KCTD16: variants seen among roughly 807,000 people sequenced by gnomAD.
The protein encoded by KCTD16 is potassium channel tetramerization domain containing 16.
In KCTD16, 13 loss-of-function variants were observed where a neutral mutation model predicts 33.2. That is an observed-to-expected ratio of 0.39 (90% CI 0.25 to 0.62). The LOEUF (loss-of-function observed/expected upper bound fraction) is 0.62. Ranked by LOEUF, KCTD16 falls within the 20% of genes least tolerant of loss-of-function variation. KCTD16 has a pLI of 0.50. For missense variants in KCTD16, 441 were observed against 525.1 expected (o/e 0.84, Z 1.57); for synonymous variants, 197 against 195.3 (o/e 1.01, Z -0.07).
At chr5:144,322,099 G>A (rs1465592967) in intron 3 of KCTD16, among the ~76,000 whole-genome samples, 1 of 152,100 alleles carries the variant, frequency 6.6e-6, no homozygotes, top group Non-Finnish European at 1.5e-5. Context: ...CGAGGGATAA[G>A]AATAATTCTA....
intron 3 of KCTD16, among the ~76,000 whole-genome samples, chr5:144,299,898 T>TAAAAAAAAAAAAAAAAAAAAAAA (rs66821172): frequency 3.9e-5 from 5 of 128,896 alleles, no homozygotes; most frequent in East Asian, 2.3e-4. Context: ...CAGAATCATT[T>TAAAAAAAAAAAAAAAAAAAAAAA]AAAAAAAAAA....
Position 144,426,549 on chromosome 5 carries a change from C to T in KCTD16, c.833-47111C>T, listed in dbSNP as rs544299258. ...GTGTTTTTTTTAAAAATAGTATTAGCTCCATTTCTCACTACCAATTTTCTG... is the reference window on the plus strand; with the variant it reads ...GTGTTTTTTTTAAAAATAGTATTAGTTCCATTTCTCACTACCAATTTTCTG... On this transcript the variant is annotated intron_variant, in intron 3 of 3. Transcript: ENST00000512467. Among the ~76,000 whole-genome samples the T allele has an allele frequency of 2.5e-4, 38 of 152,178 alleles. No homozygotes were observed. In the South Asian group the frequency reaches 7.9e-3, roughly 32 times the overall value.
At chr5:144,275,967 G>C (rs1029543383) in intron 3 of KCTD16, among the ~76,000 whole-genome samples, 10 of 152,152 alleles carry the variant, frequency 6.6e-5, no homozygotes, top group African/African-American at 2.4e-4. Context: ...CAGGTTACGT[G>C]CCTTTAGGAC....
At chr5:144,340,196 C>T (rs831416) in intron 3 of KCTD16, among the ~76,000 whole-genome samples, 37,849 of 151,556 alleles carry the variant, frequency 0.25, 4,895 homozygotes, top group Non-Finnish European at 0.28. Flanking sequence ...GGGTGGATCA[C>T]GAGGTCAGGA....
chr5:144,441,515 A>T (rs1753707272), intron 3 of KCTD16, among the ~76,000 whole-genome samples: 1 of 152,030 alleles, frequency 6.6e-6, no homozygotes, highest in Non-Finnish European at 1.5e-5. Context: ...ATGAGGTCAG[A>T]CTCCAACTTC....
In KCTD16 at chr5:144,459,615, G is replaced by A. The variant is rs552514877; in HGVS notation, c.833-14045G>A. Among the ~76,000 whole-genome samples the A allele has an allele frequency of 1.7e-4, 26 of 152,106 alleles. 1 individual carries two copies. Among genetic ancestry groups the A allele is most frequent in the Admixed American group, 1.4e-3 (22 of 15,280 alleles). ...TCTGCTCGCCTCAGCCTCCCAAAGT[G>A]CCGGGATTACAGTTGTGAGCCACTG... On this transcript the variant is annotated intron_variant, in intron 3 of 3. Transcript: ENST00000512467.
chr5:144,283,773 A>G (rs1244740008), intron 3 of KCTD16, among the ~76,000 whole-genome samples: 2 of 152,216 alleles, frequency 1.3e-5, no homozygotes, highest in East Asian at 1.9e-4. Flanking sequence ...TAAGACATGA[A>G]CAAATACATT....
intron 3 of KCTD16, among the ~76,000 whole-genome samples, chr5:144,438,645 G>C (rs1267743537): frequency 6.6e-6 from 1 of 152,152 alleles, no homozygotes; most frequent in East Asian, 1.9e-4. Flanking sequence ...AACATAGGCT[G>C]GGTCACTGGC....
chr5:144,194,678 G>A (rs1580779395), intron 2 of KCTD16, among the ~76,000 whole-genome samples: 1 of 152,174 alleles, frequency 6.6e-6, no homozygotes, highest in Non-Finnish European at 1.5e-5. Context: ...CTCTGTATGG[G>A]AAGTACAATT....
intron 3 of KCTD16, among the ~76,000 whole-genome samples, chr5:144,343,982 A>C (rs1752715175): frequency 1.3e-5 from 2 of 152,158 alleles, no homozygotes; most frequent in Admixed American, 1.3e-4. Flanking sequence ...CAGTAACCAA[A>C]ACAGCATGGT....
At chr5:144,174,628 C>A (rs184611892) in intron 2 of KCTD16, among the ~76,000 whole-genome samples, 156 bp downstream of exon 2, 1 of 152,274 alleles carries the variant, frequency 6.6e-6, no homozygotes, top group East Asian at 1.9e-4. Flanking sequence ...AATTCTGCTT[C>A]TTTTGTTTCA....
intron 2 of KCTD16, chr5:144,205,930 C>T (rs1274633000): frequency 5.6e-6 from 1 of 179,090 alleles, no homozygotes; most frequent in Non-Finnish European, 1.2e-5. Context: ...CGGTCGTTTA[C>T]CTGTTTGGGA....
intron 3 of KCTD16, among the ~76,000 whole-genome samples, chr5:144,426,827 T>A (rs1753341554): frequency 6.6e-6 from 1 of 152,148 alleles, no homozygotes; most frequent in Non-Finnish European, 1.5e-5. Flanking sequence ...ACCCCCTTGA[T>A]AATGCCATTA....
intron 3 of KCTD16, among the ~76,000 whole-genome samples, chr5:144,396,120 A>T (rs1752562645): frequency 6.6e-6 from 1 of 152,148 alleles, no homozygotes; most frequent in African/African-American, 2.4e-5. Context: ...ATGGGAAATC[A>T]GACCCATTTT....
At chr5:144,465,900 G>A (rs762764251) in intron 3 of KCTD16, among the ~76,000 whole-genome samples, 17 of 151,384 alleles carry the variant, frequency 1.1e-4, no homozygotes, top group African/African-American at 1.5e-4. Context: ...GTGCAATGGC[G>A]CAATCTCTGG....
At chr5:144,320,064 C>A (rs545322603) in intron 3 of KCTD16, among the ~76,000 whole-genome samples, 1 of 152,080 alleles carries the variant, frequency 6.6e-6, no homozygotes, top group African/African-American at 2.4e-5. Context: ...ACCTATTAGC[C>A]AGGACAGTAG....
chr5:144,444,205 C>A (rs1753771620), intron 3 of KCTD16, among the ~76,000 whole-genome samples: 1 of 147,152 alleles, frequency 6.8e-6, no homozygotes, highest in Non-Finnish European at 1.5e-5. Context: ...CCCAACCCCT[C>A]CCCCCTCCAC....
At chr5:144,405,232 A>G (rs1752785677) in intron 3 of KCTD16, among the ~76,000 whole-genome samples, 1 of 152,188 alleles carries the variant, frequency 6.6e-6, no homozygotes, top group African/African-American at 2.4e-5. Context: ...GTTAAATCAA[A>G]CCCATTTTGC....
chr5:144,342,893 A>G (rs1163631288), intron 3 of KCTD16, among the ~76,000 whole-genome samples: 3 of 152,226 alleles, frequency 2.0e-5, no homozygotes, highest in South Asian at 4.1e-4. Context: ...ATTGATTTGC[A>G]TATATTGAAC....
Sources: gnomAD v4.1 joint callset for allele counts (sites outside exome capture counted in the v4.1 genomes callset) on GRCh38, gnomAD v4.1.1 for gene constraint, MANE v1.5 for transcripts, NCBI Gene and HGNC (gene_info 2026-07-23, HGNC 2026-07-21) for gene names.